Variants in CCDC141 observed in about 807,000 individuals in gnomAD.
CCDC141 encodes the protein coiled-coil domain-containing protein 141.
Under a neutral mutation model 181.0 loss-of-function variants are expected in CCDC141, and 168 were observed. The ratio of observed to expected loss-of-function variants is 0.93; its 90% CI spans 0.82 to 1.05. The LOEUF (loss-of-function observed/expected upper bound fraction) is 1.05. CCDC141 is among the 50% of genes least tolerant of loss of function. The pLI, the probability that CCDC141 is intolerant of heterozygous loss-of-function variation, is 0.00. For missense variants in CCDC141, 1,902 were observed against 1,788.5 expected (o/e 1.06, Z -1.14); for synonymous variants, 666 against 642.3 (o/e 1.04, Z -0.56).
At chr2:179,023,707 A>G (rs1457635495) in intron 2 of CCDC141, among the ~76,000 whole-genome samples, 1 of 152,190 alleles carries the variant, frequency 6.6e-6, no homozygotes, top group African/African-American at 2.4e-5. Context: ...CACTCTTATG[A>G]GAAATATATA....
At chr2:178,942,956 A>C (rs1443912634) in intron 6 of CCDC141, among the ~76,000 whole-genome samples, 1 of 152,214 alleles carries the variant, frequency 6.6e-6, no homozygotes, top group Non-Finnish European at 1.5e-5. Flanking sequence ...AACTATGAGA[A>C]AAACTGTGCC....
At chr2:178,916,132 A>G (rs1688436809) in intron 7 of CCDC141, among the ~76,000 whole-genome samples, 1 of 152,224 alleles carries the variant, frequency 6.6e-6, no homozygotes, top group Non-Finnish European at 1.5e-5. Flanking sequence ...GACTTCCTCT[A>G]AGAACAGGAA....
At chr2:178,987,985 C>T (rs369510995) in intron 2 of CCDC141, among the ~76,000 whole-genome samples, 2 of 151,328 alleles carry the variant, frequency 1.3e-5, no homozygotes, top group African/African-American at 4.9e-5. Flanking sequence ...ACCCAAAGGA[C>T]TATAAATCAT....
chr2:179,022,642 CTTAA>C (rs756269130), intron 2 of CCDC141, among the ~76,000 whole-genome samples: 9 of 152,194 alleles, frequency 5.9e-5, no homozygotes, highest in Non-Finnish European at 8.8e-5. Flanking sequence ...CATCTGGGGA[CTTAA>C]TTACTCAGAT....
In CCDC141 at chr2:179,015,083, T is replaced by TG. The variant is rs1392922207; in HGVS notation, c.225+32200_225+32201insC. On this transcript the variant is annotated intron_variant, in intron 2 of 23. Transcript: ENST00000443758. ...AGAGACAGAGATATATATATATATA[T>TG]ATATATATATATATATATATAATAT... 1.7e-3 allele frequency among the ~76,000 whole-genome samples: 68 copies of TG among 39,066 alleles called. 1 individual carries two copies. Among genetic ancestry groups the TG allele is most frequent in the African/African-American group, 4.3e-3 (57 of 13,276 alleles). 25.6% of individuals were successfully genotyped at this position (39,066 alleles called of 152,430 possible).
Position 178,837,019 on chromosome 2 carries a change from G to A in CCDC141, c.4200C>T (p.Ser1400=), listed in dbSNP as rs764012376. 3.0e-5 allele frequency: 48 copies of A among 1,613,850 alleles called. No individual in the cohort carries two copies. Among genetic ancestry groups the A allele is most frequent in the African/African-American group, 4.0e-5 (3 of 74,904 alleles). The change falls in exon 23 of 24, where the codon AGC becomes AGT. Residue 1400 remains serine (S), a synonymous_variant. Coordinates refer to ENST00000443758, the MANE Select transcript of CCDC141 (RefSeq NM_173648.4). ...GTGCCTGGTCAGCTAGGCTGACCAC[G>A]CTGCTCTTTGCTGATGTGCTTTTAA... The part of the protein sequence containing the change: ...EEIKSTSAKS[S]VVSLADQAPN...
At chr2:178,861,819 T>C (rs1244213801) in intron 17 of CCDC141, among the ~76,000 whole-genome samples, 1 of 152,060 alleles carries the variant, frequency 6.6e-6, no homozygotes, top group East Asian at 1.9e-4. Flanking sequence ...CATTAACACA[T>C]TCGTTGAGTG....
intron 23 of CCDC141, among the ~76,000 whole-genome samples, chr2:178,834,760 T>C (rs1040253761): frequency 1.5e-4 from 23 of 151,698 alleles, no homozygotes; most frequent in African/African-American, 5.6e-4. Flanking sequence ...TTTATTTTTT[T>C]TAAGAGATAG....
intron 5 of CCDC141, among the ~76,000 whole-genome samples, chr2:178,960,210 A>C (rs1351430052): frequency 6.6e-6 from 1 of 152,212 alleles, no homozygotes; most frequent in Non-Finnish European, 1.5e-5. Flanking sequence ...TCCTAGAGGA[A>C]AAAGGCACTG....
At chr2:178,937,031 T>C (rs1238276444) in intron 6 of CCDC141, among the ~76,000 whole-genome samples, 1 of 152,162 alleles carries the variant, frequency 6.6e-6, no homozygotes, top group Admixed American at 6.5e-5. Context: ...TCATGTCATC[T>C]GCAAAAAGAG....
At chr2:178,841,857 T>C (rs1254414091) in intron 22 of CCDC141, among the ~76,000 whole-genome samples, 1 of 152,178 alleles carries the variant, frequency 6.6e-6, no homozygotes, top group Non-Finnish European at 1.5e-5. Flanking sequence ...GGTCTTGAAC[T>C]CCTGGCTTCA....
chr2:179,008,164 T>C (rs2154384117), intron 2 of CCDC141, among the ~76,000 whole-genome samples: 1 of 152,334 alleles, frequency 6.6e-6, no homozygotes, highest in African/African-American at 2.4e-5. Context: ...ATCTCTTGTT[T>C]TAATAAATTG....
downstream of CCDC141, among the ~76,000 whole-genome samples, chr2:178,827,774 A>G (rs1195462390): frequency 6.6e-6 from 1 of 152,180 alleles, no homozygotes; most frequent in Non-Finnish European, 1.5e-5. Context: ...TGGTCATTGT[A>G]GTAGCTTCCT....
At position 178,834,390 on chromosome 2, in the gene CCDC141, T is replaced by G; in HGVS notation, c.4376A>C (p.His1459Pro). Residue 1459 changes from histidine (H) to proline (P), a missense_variant, in exon 24 of 24, where the codon CAC becomes CCC. Physicochemically the swap from His to Pro is moderately conservative, Grantham distance 77. Coordinates refer to ENST00000443758, the MANE Select transcript of CCDC141 (RefSeq NM_173648.4). ...LSADGHLQVL[H>P]KETRHSVFIP... Reference sequence around the variant, plus strand: ...GAACACCGAATGCCTTGTCTCCTTGTGTAAAACCTGTAAGTGCCCATCTGC... The same window carrying G: ...GAACACCGAATGCCTTGTCTCCTTGGGTAAAACCTGTAAGTGCCCATCTGC... 1 of 1,536,416 alleles carries G rather than the reference T, an allele frequency of 6.5e-7. No individual in the cohort carries two copies. Among genetic ancestry groups the G allele is most frequent in the Non-Finnish European group, 8.7e-7 (1 of 1,146,892 alleles).
intron 2 of CCDC141, among the ~76,000 whole-genome samples, chr2:179,045,971 T>C (rs1427416156): frequency 1.3e-5 from 2 of 152,204 alleles, no homozygotes; most frequent in African/African-American, 4.8e-5. Flanking sequence ...TAATTCTTTC[T>C]TCAACTTCTT....
At chr2:179,043,146 C>CA (rs1238748139) in intron 2 of CCDC141, among the ~76,000 whole-genome samples, 4 of 152,248 alleles carry the variant, frequency 2.6e-5, no homozygotes, top group African/African-American at 9.6e-5. Flanking sequence ...TTCCTGGACA[C>CA]ATGTACCCTC....
chr2:179,021,314 A>C (rs989232101), intron 2 of CCDC141, among the ~76,000 whole-genome samples: 1 of 152,196 alleles, frequency 6.6e-6, no homozygotes, highest in Non-Finnish European at 1.5e-5. Flanking sequence ...TAGCTATGCA[A>C]ACCTAATTGC....
intron 7 of CCDC141, among the ~76,000 whole-genome samples, chr2:178,907,260 T>A (rs1264136253): frequency 6.6e-6 from 1 of 152,142 alleles, no homozygotes; most frequent in East Asian, 1.9e-4. Flanking sequence ...TTATCCCCAT[T>A]ATATGACTGG....
chr2:178,976,470 G>A (rs1691128582), intron 3 of CCDC141, among the ~76,000 whole-genome samples: 1 of 152,188 alleles, frequency 6.6e-6, no homozygotes, highest in Non-Finnish European at 1.5e-5. Flanking sequence ...GAGAGAGACT[G>A]AAGAGCATGG....
Sources: allele counts gnomAD v4.1 joint callset (sites outside exome capture counted in the v4.1 genomes callset), GRCh38; gene constraint gnomAD v4.1.1; transcripts MANE v1.5; gene names NCBI Gene and HGNC (gene_info 2026-07-23, HGNC 2026-07-21).